The following MAGI1 variants were observed in gnomAD, a reference collection of about 807,000 sequenced individuals.
MAGI1 encodes membrane associated guanylate kinase, WW and PDZ domain containing 1.
A neutral mutation model predicts 139.9 loss-of-function variants in MAGI1; 58 were observed. The ratio of observed to expected loss-of-function variants is 0.41; its 90% CI spans 0.34 to 0.52. The LOEUF (loss-of-function observed/expected upper bound fraction) is 0.52, where lower values mean the gene tolerates loss of function less well. MAGI1 is among the 20% of genes least tolerant of loss of function. The pLI is 0.12. For synonymous variants in MAGI1, 812 were observed against 737.9 expected (o/e 1.10, Z -1.63); for missense variants, 1,874 against 1,901.6 (o/e 0.99, Z 0.27).
chr3:66,000,841 T>C (rs1019699216), intron 1 of MAGI1, among the ~76,000 whole-genome samples: 3 of 152,242 alleles, frequency 2.0e-5, no homozygotes, highest in Non-Finnish European at 4.4e-5. Flanking sequence ...AGCCCACCAA[T>C]TTTAATGAAA....
chr3:65,760,148 T>TTCCTCCTCC (rs34314563), intron 1 of MAGI1, among the ~76,000 whole-genome samples: 8 of 150,192 alleles, frequency 5.3e-5, no homozygotes, highest in Admixed American at 1.3e-4. Flanking sequence ...TGTCTTCAAC[T>TTCCTCCTCC]TCCTCCTCCT....
rs924803144 is a variant in MAGI1, at chr3:65,355,192, C to T, written c.*1186G>A. ...ATGTTTTGTGCTGCTGTCCAAAGGA[C>T]TCAAAGGACAGAGTCATGAGGCAGA... On this transcript the variant is annotated 3_prime_UTR_variant, in exon 23 of 23. Transcript: ENST00000402939. 5.9e-5 allele frequency: 9 copies of T among 152,272 alleles called. No homozygotes were observed. 9.4% of individuals were successfully genotyped at this position (152,272 alleles called of 1,614,324 possible). A position where few individuals can be genotyped will look rare whatever the true frequency, so the allele number is the denominator to read the frequency against.
intron 1 of MAGI1, among the ~76,000 whole-genome samples, chr3:65,779,908 G>A (rs929617300): frequency 6.6e-6 from 1 of 151,550 alleles, no homozygotes; most frequent in African/African-American, 2.4e-5. Flanking sequence ...GAAAATAACA[G>A]CACTAACAAA....
chr3:65,692,808 T>A (rs1455751165), intron 1 of MAGI1, among the ~76,000 whole-genome samples: 2 of 152,128 alleles, frequency 1.3e-5, no homozygotes, highest in African/African-American at 4.8e-5. Context: ...CCCCTTGCCA[T>A]GTTATGTCCC....
intron 2 of MAGI1, among the ~76,000 whole-genome samples, chr3:65,579,434 A>G (rs995646395): frequency 3.3e-5 from 5 of 152,194 alleles, no homozygotes; most frequent in African/African-American, 9.6e-5. Context: ...GATACACCAC[A>G]CTACACAAGT....
intron 2 of MAGI1, among the ~76,000 whole-genome samples, chr3:65,590,816 A>C (rs2081933840): frequency 6.6e-6 from 1 of 152,192 alleles, no homozygotes; most frequent in Admixed American, 6.5e-5. Flanking sequence ...AGGAAACATG[A>C]ACTTGCGGTA....
At chr3:65,785,868 A>G (rs2039336168) in intron 1 of MAGI1, among the ~76,000 whole-genome samples, 1 of 152,140 alleles carries the variant, frequency 6.6e-6, no homozygotes, top group African/African-American at 2.4e-5. Flanking sequence ...ACATTGTGTG[A>G]AATCAAGTGT....
At chr3:65,458,811 G>A (rs1486460738) in intron 5 of MAGI1, among the ~76,000 whole-genome samples, 1 of 152,104 alleles carries the variant, frequency 6.6e-6, no homozygotes, top group Non-Finnish European at 1.5e-5. Flanking sequence ...AACTTGATGT[G>A]ATCCCATTTG....
intron 10 of MAGI1, among the ~76,000 whole-genome samples, chr3:65,436,448 TCCTCTATAAAGG>T (rs1261538668): frequency 6.6e-6 from 1 of 152,092 alleles, no homozygotes; most frequent in Non-Finnish European, 1.5e-5. Flanking sequence ...TCAAGAATAA[TCCTCTATAAAGG>T]CCTCATCCTA....
intron 2 of MAGI1, among the ~76,000 whole-genome samples, chr3:65,620,228 C>T (rs143225387): frequency 2.0e-5 from 3 of 152,264 alleles, no homozygotes; most frequent in Non-Finnish European, 1.5e-5. Flanking sequence ...TCTGCAATTA[C>T]TGATTTCTGC....
intron 1 of MAGI1, among the ~76,000 whole-genome samples, chr3:65,931,757 G>A (rs1216402386): frequency 1.3e-5 from 2 of 152,218 alleles, no homozygotes; most frequent in East Asian, 1.9e-4. Context: ...CCTCTCTGTG[G>A]CATATGAAAA....
intron 18 of MAGI1, among the ~76,000 whole-genome samples, chr3:65,372,505 T>C (rs1041865438): frequency 3.9e-5 from 6 of 152,242 alleles, no homozygotes; most frequent in African/African-American, 9.6e-5. Context: ...AGATGAGCAC[T>C]GGCTTCAGCT....
At chr3:65,966,354 T>C (rs1215933861) in intron 1 of MAGI1, among the ~76,000 whole-genome samples, 4 of 152,238 alleles carry the variant, frequency 2.6e-5, no homozygotes, top group African/African-American at 9.6e-5. Context: ...GACTGACTTT[T>C]CAATAGCTAA....
chr3:65,767,403 G>A lies in MAGI1; in HGVS notation c.314-145315C>T, dbSNP rs1041942758. ...GTAGATCATTAGAGGCCAGGAGTTC[G>A]AGACCAGCCTGGCCAACATGGTGAA... On this transcript the variant is annotated intron_variant, in intron 1 of 22. Transcript: ENST00000402939. Among the ~76,000 whole-genome samples the A allele has an allele frequency of 3.3e-5, 5 of 151,494 alleles. No homozygotes were observed. The East Asian group carries it at 5.8e-4, about 18-fold the overall frequency.
intron 1 of MAGI1, among the ~76,000 whole-genome samples, chr3:65,795,372 T>C (rs1381906917): frequency 6.6e-6 from 1 of 152,170 alleles, no homozygotes; most frequent in East Asian, 1.9e-4. Flanking sequence ...AATGAACTGC[T>C]GATACACACA....
At chr3:65,610,849 T>C (rs1289701282) in intron 2 of MAGI1, among the ~76,000 whole-genome samples, 1 of 120,580 alleles carries the variant, frequency 8.3e-6, no homozygotes. Context: ...GTATATACTA[T>C]ATAGTACATA....
At chr3:65,720,913 C>G (rs1206700201) in intron 1 of MAGI1, among the ~76,000 whole-genome samples, 1 of 151,870 alleles carries the variant, frequency 6.6e-6, no homozygotes, top group Non-Finnish European at 1.5e-5. Flanking sequence ...CCACGCCTGG[C>G]TAATTTTTTG....
intron 1 of MAGI1, among the ~76,000 whole-genome samples, chr3:65,749,710 TA>T (rs11328627): frequency 0.15 from 20,456 of 134,690 alleles, 1,474 homozygotes; most frequent in Middle Eastern, 0.25. Context: ...TAGTCTGAGT[TA>T]AAAAAAAAAA....
chr3:65,495,901 A>G (rs1952398394), intron 2 of MAGI1, among the ~76,000 whole-genome samples: 1 of 152,182 alleles, frequency 6.6e-6, no homozygotes, highest in Non-Finnish European at 1.5e-5. Context: ...GTTGCGGTAC[A>G]GTGATGAAAA....
Sources: allele counts gnomAD v4.1 joint callset (sites outside exome capture counted in the v4.1 genomes callset), GRCh38; gene constraint gnomAD v4.1.1; transcripts MANE v1.5; gene names NCBI Gene and HGNC (gene_info 2026-07-23, HGNC 2026-07-21).